The following SLIT3 variants were observed in gnomAD, a reference collection of about 807,000 sequenced individuals.
The protein encoded by SLIT3 is slit guidance ligand 3, also known as slit homolog 3 protein.
In SLIT3, 68 loss-of-function variants were observed where a neutral mutation model predicts 184.0. That is an observed-to-expected ratio of 0.37 (90% CI 0.30 to 0.45). The LOEUF (loss-of-function observed/expected upper bound fraction) is 0.45, where lower values mean the gene tolerates loss of function less well. Ranked by LOEUF, SLIT3 falls within the 20% of genes least tolerant of loss-of-function variation. The pLI is 1.00. For missense variants in SLIT3, 1,707 were observed against 2,026.0 expected, an observed-to-expected ratio of 0.84 and a Z score of 3.02; for synonymous variants, 831 against 828.6, an observed-to-expected ratio of 1.00 and a Z score of -0.05.
chr5:169,267,927 TA>T (rs1214310809), intron 1 of SLIT3, among the ~76,000 whole-genome samples: 3 of 152,200 alleles, frequency 2.0e-5, no homozygotes, highest in African/African-American at 7.2e-5. Context: ...ACAGAGCACA[TA>T]CACTATTAAC....
intron 3 of SLIT3, among the ~76,000 whole-genome samples, chr5:169,231,778 C>T (rs1465113705): frequency 1.3e-5 from 2 of 152,178 alleles, no homozygotes; most frequent in Non-Finnish European, 2.9e-5. Context: ...GTATCAATAA[C>T]TCCCGTAACA....
rs1020546151 is a variant in SLIT3, at chr5:169,104,365, C to T, written c.413+89114G>A. Among the ~76,000 whole-genome samples, 6 of 152,232 alleles carry T rather than the reference C, an allele frequency of 3.9e-5. No individual in the cohort carries two copies. The East Asian group carries it at 5.8e-4, about 15-fold the overall frequency. ...AGAACTCCAGGGCAGAGGAAGCGTA[C>T]GCTCAGCTCAATCACATTTTCCAAT... On this transcript the variant is annotated intron_variant, in intron 4 of 35. Coordinates refer to ENST00000519560, the MANE Select transcript of SLIT3 (RefSeq NM_003062.4).
intron 4 of SLIT3, among the ~76,000 whole-genome samples, chr5:169,115,672 A>G (rs546694228): frequency 1.3e-5 from 2 of 152,326 alleles, no homozygotes; most frequent in Admixed American, 1.3e-4. Flanking sequence ...ATAATCATAC[A>G]CTGAGCACTA....
chr5:168,931,089 C>T (rs1761974918), intron 4 of SLIT3, among the ~76,000 whole-genome samples: 1 of 152,158 alleles, frequency 6.6e-6, no homozygotes, highest in Non-Finnish European at 1.5e-5. Flanking sequence ...TCAGGGAAAA[C>T]TCGGGGGACT....
chr5:168,745,474 C>T (rs540292824), intron 20 of SLIT3, among the ~76,000 whole-genome samples: 5 of 151,824 alleles, frequency 3.3e-5, no homozygotes, highest in Admixed American at 6.6e-5. Flanking sequence ...TGCAGTGGCA[C>T]GATCTTGGCT....
intron 4 of SLIT3, among the ~76,000 whole-genome samples, chr5:169,081,806 T>G (rs1012270415): frequency 6.6e-6 from 1 of 152,226 alleles, no homozygotes; most frequent in East Asian, 1.9e-4. Flanking sequence ...GGCCAGACCC[T>G]GTGCTTTGCT....
intron 3 of SLIT3, among the ~76,000 whole-genome samples, chr5:169,199,336 G>A (rs1434009869): frequency 3.3e-5 from 5 of 152,120 alleles, no homozygotes; most frequent in Non-Finnish European, 7.4e-5. Flanking sequence ...CAGGATGTAC[G>A]TGAGGATTCA....
At chr5:169,122,714 T>G (rs1581431730) in intron 4 of SLIT3, among the ~76,000 whole-genome samples, 1 of 152,224 alleles carries the variant, frequency 6.6e-6, no homozygotes, top group East Asian at 1.9e-4. Flanking sequence ...CCCTGCATTC[T>G]ATTGGCACCA....
At chr5:168,700,143 G>T (rs1353744190) in intron 27 of SLIT3, among the ~76,000 whole-genome samples, 1 of 152,212 alleles carries the variant, frequency 6.6e-6, no homozygotes, top group Non-Finnish European at 1.5e-5. Context: ...CACTGGGCAC[G>T]CCCTCGCTGG....
At position 168,692,620 on chromosome 5, in the gene SLIT3, C is replaced by G; in HGVS notation, c.3163G>C (p.Asp1055His). 6.2e-7 allele frequency: 1 copy of G among 1,613,584 alleles called. No individual in the cohort carries two copies. Among genetic ancestry groups the G allele is most frequent in the East Asian group, 2.2e-5 (1 of 44,862 alleles). The change falls in exon 29 of 36, where the codon GAC becomes CAC. Residue 1055 changes from aspartate to histidine, a missense_variant. Asp to His is a moderately conservative substitution (Grantham distance 81). Coordinates refer to ENST00000519560, the MANE Select transcript of SLIT3 (RefSeq NM_003062.4). ...GCCAGGTCTTACCTGAATCCTTTGT[C>G]CAGGGGGATGCACTTGGCCTCATGC... The part of the protein sequence containing the change: ...CQHEAKCIPL[D>H]KGFSCECVPG...
chr5:169,009,392 T>C lies in SLIT3; in HGVS notation c.414-126056A>G, dbSNP rs186397425. 2.0e-3 allele frequency among the ~76,000 whole-genome samples: 299 copies of C among 152,310 alleles called. 2 individuals carry two copies. The highest frequency in any genetic ancestry group is 0.012 in the East Asian group (61 of 5,182). Reference sequence around the variant, plus strand: ...GTGAGAAATGATGCCAAATGTCACATGTAGGAGTCTGTTTGCAAACAGGCT... The same window carrying C: ...GTGAGAAATGATGCCAAATGTCACACGTAGGAGTCTGTTTGCAAACAGGCT... On this transcript the variant is annotated intron_variant, in intron 4 of 35. Transcript: ENST00000519560.
chr5:169,271,529 G>A (rs903448433), intron 1 of SLIT3, among the ~76,000 whole-genome samples: 9 of 152,194 alleles, frequency 5.9e-5, no homozygotes, highest in South Asian at 4.1e-4. Context: ...GGGGCATTGC[G>A]AGGGGGTAGA....
rs374503229 is a variant in SLIT3, at chr5:168,685,670, G to A, written c.3555+17C>T. The A allele has an allele frequency of 6.5e-7, 1 of 1,528,038 alleles. No individual in the cohort carries two copies. 94.7% of individuals were successfully genotyped at this position (1,528,038 alleles called of 1,614,324 possible). A position where few individuals can be genotyped will look rare whatever the true frequency, so the allele number is the denominator to read the frequency against. ...CATGTTGAGGTCCTTCCAAGGGCAG[G>A]GCAGGGCGGGACACACCTGCAGGGA... On this transcript the variant is annotated intron_variant, in intron 31 of 35. Transcript: ENST00000519560.
intron 4 of SLIT3, among the ~76,000 whole-genome samples, chr5:168,962,146 G>T (rs1340425663): frequency 2.0e-5 from 3 of 152,074 alleles, no homozygotes; most frequent in Admixed American, 2.0e-4. Context: ...CATGGGTGGG[G>T]GTGGGAGTGG....
chr5:168,685,968 G>C, intron 30 of SLIT3, 41 bp from the exon 31 acceptor site: 1 of 1,563,504 alleles, frequency 6.4e-7, no homozygotes, highest in Non-Finnish European at 8.7e-7. Flanking sequence ...TAGGAGAATG[G>C]CCAAGAGGAG....
chr5:169,193,631 A>T, intron 3 of SLIT3, 81 bp from the exon 4 acceptor site: 3 of 1,044,200 alleles, frequency 2.9e-6, no homozygotes, highest in East Asian at 2.4e-5. Flanking sequence ...TTAATCAATC[A>T]GTCAATCAAT....
intron 4 of SLIT3, among the ~76,000 whole-genome samples, chr5:169,137,362 T>C (rs56059917): frequency 0.34 from 49,884 of 145,316 alleles, 8,722 homozygotes; most frequent in Middle Eastern, 0.47. Flanking sequence ...AGAGAAACAG[T>C]TTGCTTCACA....
chr5:169,114,206 C>G (rs542240014), intron 4 of SLIT3, among the ~76,000 whole-genome samples: 1 of 152,316 alleles, frequency 6.6e-6, no homozygotes, highest in East Asian at 1.9e-4. Flanking sequence ...TTTATGCCTT[C>G]TCTTTTTCTG....
At chr5:169,076,138 G>C (rs1461649197) in intron 4 of SLIT3, among the ~76,000 whole-genome samples, 1 of 152,236 alleles carries the variant, frequency 6.6e-6, no homozygotes, top group Non-Finnish European at 1.5e-5. Flanking sequence ...GCCTGGTGGT[G>C]ACTCCTGTCC....
Sources: gnomAD v4.1 joint callset for allele counts (sites outside exome capture counted in the v4.1 genomes callset) on GRCh38, gnomAD v4.1.1 for gene constraint, MANE v1.5 for transcripts, NCBI Gene and HGNC (gene_info 2026-07-23, HGNC 2026-07-21) for gene names.